ANKRD34C: variants seen among roughly 807,000 people sequenced by gnomAD.
ANKRD34C encodes the protein ankyrin repeat domain 34C.
For missense variants in ANKRD34C, 563 were observed against 653.0 expected, an observed-to-expected ratio of 0.86 and a Z score of 1.50; for synonymous variants, 260 against 253.6, an observed-to-expected ratio of 1.03 and a Z score of -0.24.
intron 1 of ANKRD34C, among the ~76,000 whole-genome samples, chr15:79,285,386 A>C (rs1291031827): frequency 6.6e-6 from 1 of 152,204 alleles, no homozygotes; most frequent in Non-Finnish European, 1.5e-5. Flanking sequence ...TGACTTGAAG[A>C]AGGGGAAATA....
Position 79,293,885 on chromosome 15 carries a change from C to T in ANKRD34C, c.601C>T (p.Pro201Ser). The change falls in exon 2 of 2, where the codon CCA becomes TCA. Residue 201 changes from proline (P) to serine (S), a missense_variant. Physicochemically the swap from Pro to Ser is moderately conservative, Grantham distance 74 (BLOSUM62 -1). Transcript: ENST00000421388. ...GCTGAAGGCTCTAGGCCTGGACTCT[C>T]CACTCACTGAGAAGGAAGATGACTT... ...IELKALGLDS[P>S]LTEKEDDFFS... The T allele has an allele frequency of 6.4e-7, 1 of 1,551,710 alleles. No homozygotes were observed. Among genetic ancestry groups the T allele is most frequent in the Non-Finnish European group, 8.7e-7 (1 of 1,146,994 alleles).
chr15:79,292,714 T>C (rs561846625), intron 1 of ANKRD34C, among the ~76,000 whole-genome samples: 1 of 152,358 alleles, frequency 6.6e-6, no homozygotes, highest in African/African-American at 2.4e-5. Context: ...CTGCCCAGAA[T>C]AAGGATTGAC....
At chr15:79,290,307 G>A (rs1045028659) in intron 1 of ANKRD34C, among the ~76,000 whole-genome samples, 37 of 150,820 alleles carry the variant, frequency 2.5e-4, no homozygotes, top group African/African-American at 8.8e-4. Context: ...TTGCAGTTGT[G>A]AGCCATCATG....
chr15:79,286,879 C>T (rs983231522), intron 1 of ANKRD34C, among the ~76,000 whole-genome samples: 23 of 152,300 alleles, frequency 1.5e-4, no homozygotes, highest in South Asian at 4.1e-4. Context: ...TTGCTTGCTC[C>T]GTCAGTGCAC....
At chr15:79,291,595 CACACACAGAGAGAGAGAG>C (rs1333796495) in intron 1 of ANKRD34C, among the ~76,000 whole-genome samples, 4 of 118,186 alleles carry the variant, frequency 3.4e-5, no homozygotes, top group Non-Finnish European at 7.0e-5. Flanking sequence ...CACACACACA[CACACACAGAGAGAGAGAG>C]AGAGAGAGAG....
At chr15:79,289,181 A>T (rs1254305489) in intron 1 of ANKRD34C, among the ~76,000 whole-genome samples, 1 of 152,214 alleles carries the variant, frequency 6.6e-6, no homozygotes, top group Non-Finnish European at 1.5e-5. Flanking sequence ...AGTTAATGTT[A>T]GCCTGGCACA....
chr15:79,294,036 A>G lies in ANKRD34C; in HGVS notation c.752A>G (p.Gln251Arg). The G allele has an allele frequency of 6.4e-7, 1 of 1,551,694 alleles. No individual in the cohort carries two copies. Among genetic ancestry groups the G allele is most frequent in the Non-Finnish European group, 8.7e-7 (1 of 1,146,990 alleles). Reference sequence around the variant, plus strand: ...CGTTTGCCTCAACTGAAGAGGCTCCAGTCTGAACCTTGGGGCCTGATAGCG... The same window carrying G: ...CGTTTGCCTCAACTGAAGAGGCTCCGGTCTGAACCTTGGGGCCTGATAGCG... ...RARLPQLKRL[Q>R]SEPWGLIAPS... The change falls in exon 2 of 2, where the codon CAG (glutamine) becomes CGG (arginine). Residue 251 changes from glutamine (Q) to arginine (R), a missense_variant. Coordinates refer to ENST00000421388, the MANE Select transcript of ANKRD34C (RefSeq NM_001146341.2).
At position 79,294,472 on chromosome 15, in the gene ANKRD34C, T is replaced by A; in HGVS notation, c.1188T>A (p.Leu396=). The A allele has an allele frequency of 6.4e-7, 1 of 1,551,732 alleles. No homozygotes were observed. The highest frequency in any genetic ancestry group is 8.7e-7 in the Non-Finnish European group (1 of 1,146,998). The change falls in exon 2 of 2, where the codon CTT becomes CTA. Residue 396 remains leucine (L), a synonymous_variant. Coordinates refer to ENST00000421388, the MANE Select transcript of ANKRD34C (RefSeq NM_001146341.2). Reference sequence around the variant, plus strand: ...CTGACCCTCCCAACTCCATTTCCCTTGAATCCGGCAAAGGACCTTTAGATA... The same window carrying A: ...CTGACCCTCCCAACTCCATTTCCCTAGAATCCGGCAAAGGACCTTTAGATA... ...PGPDPPNSIS[L]ESGKGPLDRK...
In ANKRD34C at chr15:79,295,485, G is replaced by T. The variant is rs1185644254; in HGVS notation, c.*593G>T. On this transcript the variant is annotated 3_prime_UTR_variant, in exon 2 of 2. Transcript: ENST00000421388. ...GTTCAGTAATCCAGTAATATATTTTGTTCACATACTAATTTGTATGTGCTC... is the reference window on the plus strand; with the variant it reads ...GTTCAGTAATCCAGTAATATATTTTTTTCACATACTAATTTGTATGTGCTC... 1.8e-5 allele frequency: 3 copies of T among 167,188 alleles called. No homozygotes were observed. The highest frequency in any genetic ancestry group is 7.2e-5 in the African/African-American group (3 of 41,398). The allele number at this position is 167,188 out of a possible 1,614,324, so 10.4% of individuals were successfully genotyped here. A position where few individuals can be genotyped will look rare whatever the true frequency, so the allele number is the denominator to read the frequency against.
At chr15:79,290,673 G>A (rs926270020) in intron 1 of ANKRD34C, among the ~76,000 whole-genome samples, 1 of 152,166 alleles carries the variant, frequency 6.6e-6, no homozygotes, top group African/African-American at 2.4e-5. Context: ...GAACTACTTA[G>A]GCTTTGCCTT....
intron 1 of ANKRD34C, among the ~76,000 whole-genome samples, chr15:79,290,158 A>G (rs984972104): frequency 7.0e-6 from 1 of 143,836 alleles, no homozygotes; most frequent in African/African-American, 2.5e-5. Context: ...CTCAGAAGCT[A>G]GGCCTATATG....
At position 79,294,109 on chromosome 15, in the gene ANKRD34C, C is replaced by G. The variant is rs1221387133; in HGVS notation, c.825C>G (p.Ala275=). 5 of 1,551,408 alleles carry G rather than the reference C, an allele frequency of 3.2e-6. No homozygotes were observed. In the African/African-American group the frequency reaches 5.5e-5, roughly 17 times the overall value. Residue 275 remains alanine (A), a synonymous_variant, in exon 2 of 2, where the codon GCC becomes GCG. Transcript: ENST00000421388. Reference sequence around the variant, plus strand: ...CGCGTCAGGATGAGACCCATGGTGCCAGCACAGACAACGAGGTCATCAAGA... The same window carrying G: ...CGCGTCAGGATGAGACCCATGGTGCGAGCACAGACAACGAGGTCATCAAGA... ...ASTRQDETHG[A]STDNEVIKSI... is the part of the protein sequence containing the mutation.
rs536000316 is a variant in ANKRD34C at position 79,290,456 on chromosome 15, T to C, written c.-44-2785T>C. On this transcript the variant is annotated intron_variant, in intron 1 of 1. Coordinates refer to ENST00000421388, the MANE Select transcript of ANKRD34C (RefSeq NM_001146341.2). ...CCCAGGCCCTGGGTGTTTCTTCCAC[T>C]AGTCTCACCTGGGTTCTCTAATGCA... Among the ~76,000 whole-genome samples, 10 of 152,312 alleles carry C rather than the reference T, an allele frequency of 6.6e-5. No individual in the cohort carries two copies. The South Asian group carries it at 2.1e-3, about 32-fold the overall frequency.
Position 79,294,210 on chromosome 15 carries a change from T to G in ANKRD34C, c.926T>G (p.Leu309Arg). The G allele has an allele frequency of 6.4e-7, 1 of 1,551,458 alleles. No individual in the cohort carries two copies. Among genetic ancestry groups the G allele is most frequent in the Non-Finnish European group, 8.7e-7 (1 of 1,146,910 alleles). Reference sequence around the variant, plus strand: ...AGTATCGATAGCAAAGACCCCACCCTCTTTCACACAGTCACAGAGCAGGTT... The same window carrying G: ...AGTATCGATAGCAAAGACCCCACCCGCTTTCACACAGTCACAGAGCAGGTT... ...TNSIDSKDPTLFHTVTEQVLK... is the reference protein window; with the variant it reads ...TNSIDSKDPTRFHTVTEQVLK... The change falls in exon 2 of 2, where the codon CTC becomes CGC. Residue 309 changes from leucine (L) to arginine (R), a missense_variant. By Grantham distance (102) the Leu-to-Arg change is moderately radical (BLOSUM62 -2). Transcript: ENST00000421388.
Position 79,294,557 on chromosome 15 carries a change from A to G in ANKRD34C, c.1273A>G (p.Thr425Ala), listed in dbSNP as rs756947976. 1 of 1,551,624 alleles carries G rather than the reference A, an allele frequency of 6.4e-7. No homozygotes were observed. The change falls in exon 2 of 2, where the codon ACT becomes GCT. Residue 425 changes from threonine (T) to alanine (A), a missense_variant. Coordinates refer to ENST00000421388, the MANE Select transcript of ANKRD34C (RefSeq NM_001146341.2). ...CCATGGCTCTCGGGAGTCCCTGGACACTGTACCTAGCACATCCCCCAGCTC... is the reference window on the plus strand; with the variant it reads ...CCATGGCTCTCGGGAGTCCCTGGACGCTGTACCTAGCACATCCCCCAGCTC... ...LFHGSRESLD[T>A]VPSTSPSSAR...
rs997727985 is a variant in ANKRD34C at position 79,283,079 on chromosome 15, G to A, written c.-194G>A. The stretch of plus-strand genomic sequence containing the variant: ...GGGCCCGGGGTAGCCCCAGCTCCCG[G>A]CGCTGGTTCAGTCTGGCAGTGCCCT... On this transcript the variant is annotated 5_prime_UTR_variant, in exon 1 of 2. Transcript: ENST00000421388. 5.9e-5 allele frequency among the ~76,000 whole-genome samples: 9 copies of A among 152,342 alleles called. No homozygotes were observed. The East Asian group carries it at 1.7e-3, about 29-fold the overall frequency.
chr15:79,282,823 T>C lies in ANKRD34C; in HGVS notation c.-450T>C, dbSNP rs1381816259. On this transcript the variant is annotated 5_prime_UTR_variant, in exon 1 of 2. Coordinates refer to ENST00000421388, the MANE Select transcript of ANKRD34C (RefSeq NM_001146341.2). ...CCGGCCGAAGACCAAGCCGGAGGTC[T>C]GGGGCTGCGCAGAGACCTGCACACC... Among the ~76,000 whole-genome samples the C allele has an allele frequency of 6.6e-6, 1 of 152,238 alleles. No homozygotes were observed. The highest frequency in any genetic ancestry group is 1.5e-5 in the Non-Finnish European group (1 of 68,036).
chr15:79,294,928 T>A lies in ANKRD34C; in HGVS notation c.*36T>A. The A allele has an allele frequency of 6.7e-7, 1 of 1,482,854 alleles. No homozygotes were observed. Among genetic ancestry groups the A allele is most frequent in the East Asian group, 2.5e-5 (1 of 40,654 alleles). 91.9% of individuals were successfully genotyped at this position (1,482,854 alleles called of 1,614,324 possible). On this transcript the variant is annotated 3_prime_UTR_variant, in exon 2 of 2. Transcript: ENST00000421388. ...AAGGCTTAAAATAGTCAATATAGTTTATGGAAGGGACTATGGATGAGACTG... is the reference window on the plus strand; with the variant it reads ...AAGGCTTAAAATAGTCAATATAGTTAATGGAAGGGACTATGGATGAGACTG...
rs1380320999 is a variant in ANKRD34C at position 79,294,363 on chromosome 15, C to T, written c.1079C>T (p.Pro360Leu). 15 of 1,551,482 alleles carry T rather than the reference C, an allele frequency of 9.7e-6. No individual in the cohort carries two copies. In the East Asian group the frequency reaches 3.7e-4, roughly 38 times the overall value. Residue 360 changes from proline to leucine, a missense_variant, in exon 2 of 2, where the codon CCA becomes CTA. Coordinates refer to ENST00000421388, the MANE Select transcript of ANKRD34C (RefSeq NM_001146341.2). ...PVDQEKCGMG[P>L]SGPSALKEPA... ...GACCAAGAGAAATGTGGTATGGGTC[C>T]ATCAGGACCCTCTGCTCTCAAAGAG...
Sources: allele counts gnomAD v4.1 joint callset (sites outside exome capture counted in the v4.1 genomes callset), GRCh38; gene constraint gnomAD v4.1.1; transcripts MANE v1.5; gene names NCBI Gene and HGNC (gene_info 2026-07-23, HGNC 2026-07-21).